Variants in ZNHIT2 observed in about 807,000 individuals in gnomAD.
ZNHIT2 encodes the protein zinc finger HIT domain-containing protein 2.
ZNHIT2 carries 16 observed loss-of-function variants against 18.0 expected under a neutral mutation model. That is an observed-to-expected ratio of 0.89 (90% confidence interval 0.60 to 1.35). The LOEUF (loss-of-function observed/expected upper bound fraction) is 1.35, where lower values mean the gene tolerates loss of function less well. Ranked by LOEUF, ZNHIT2 falls within the 40% of genes most tolerant of loss-of-function variation. The pLI is 0.00. For synonymous variants in ZNHIT2, 336 were observed against 269.8 expected, an observed-to-expected ratio of 1.25 and a Z score of -2.41; for missense variants, 631 against 566.4, an observed-to-expected ratio of 1.11 and a Z score of -1.16.
At position 65,117,677 on chromosome 11, in the gene ZNHIT2, T is replaced by A; in HGVS notation, c.-24A>T. The A allele has an allele frequency of 2.2e-6, 3 of 1,362,934 alleles. No individual in the cohort carries two copies. Among genetic ancestry groups the A allele is most frequent in the Non-Finnish European group, 1.9e-6 (2 of 1,060,058 alleles). The allele number at this position is 1,362,934 out of a possible 1,614,324, so 84.4% of individuals were successfully genotyped here. A position where few individuals can be genotyped will look rare whatever the true frequency, so the allele number is the denominator to read the frequency against. On this transcript the variant is annotated 5_prime_UTR_variant, in exon 1 of 1. Transcript: ENST00000310597. ...ATGGCAACTGGCACCGCGATCTACC[T>A]GCGAACGCACGCCGGTGGTAGTTCG...
At position 65,117,548 on chromosome 11, in the gene ZNHIT2, G is replaced by A. The variant is rs887452458; in HGVS notation, c.106C>T (p.Arg36Trp). The A allele has an allele frequency of 9.4e-6, 15 of 1,589,602 alleles. No individual in the cohort carries two copies. The highest frequency in any genetic ancestry group is 1.2e-5 in the Non-Finnish European group (14 of 1,175,240). The change falls in exon 1 of 1, where the codon CGG becomes TGG. Residue 36 changes from arginine to tryptophan, a missense_variant. By Grantham distance (101) the Arg-to-Trp change is moderately radical (BLOSUM62 -3). Transcript: ENST00000310597. ...TTTTCTGCGCAGGTGCCATGCGTCC[G>A]GTAGCAGCGCAGCGAGCAGTAGGGC... ...NAPYCSLRCY[R>W]THGTCAENFY... is the part of the protein sequence containing the mutation.
chr11:65,117,374 CGCCGG>C lies in ZNHIT2; in HGVS notation c.275_279del (p.Pro92ArgfsTer25). 6.7e-7 allele frequency: 1 copy of C among 1,498,170 alleles called. No individual in the cohort carries two copies. Among genetic ancestry groups the C allele is most frequent in the Non-Finnish European group, 8.8e-7 (1 of 1,132,108 alleles). 92.8% of individuals were successfully genotyped at this position (1,498,170 alleles called of 1,614,324 possible). A position where few individuals can be genotyped will look rare whatever the true frequency, so the allele number is the denominator to read the frequency against. ...AGCCGCTCCCAGAGTCCCGATAGGCCGCCGGGCGCCGGGCCGGAGCTGAGGCCTGC... is the reference window on the plus strand; with the variant it reads ...AGCCGCTCCCAGAGTCCCGATAGGCCGCGCCGGGCCGGAGCTGAGGCCTGC... On this transcript the variant is annotated frameshift_variant, in exon 1 of 1. Coordinates refer to ENST00000310597, the MANE Select transcript of ZNHIT2 (RefSeq NM_014205.4). LOFTEE classifies it high-confidence loss of function.
At position 65,117,367 on chromosome 11, in the gene ZNHIT2, G is replaced by T; in HGVS notation, c.287C>A (p.Ser96Ter). The T allele has an allele frequency of 6.6e-7, 1 of 1,507,316 alleles. No homozygotes were observed. Among genetic ancestry groups the T allele is most frequent in the Middle Eastern group, 1.8e-4 (1 of 5,574 alleles). The allele number at this position is 1,507,316 out of a possible 1,614,324, so 93.4% of individuals were successfully genotyped here. ...CGGCGCCAGCCGCTCCCAGAGTCCC[G>T]ATAGGCCGCCGGGCGCCGGGCCGGA... is the stretch of plus-strand genomic sequence containing the variant. ...LSSGPAPGGL[S>*]GLWERLAPGE... The change falls in exon 1 of 1, where the codon TCG becomes TAG. Residue 96 changes from serine to a stop codon, truncating the protein, a stop_gained. Transcript: ENST00000310597. LOFTEE classifies it high-confidence loss of function.
At position 65,117,622 on chromosome 11, in the gene ZNHIT2, G is replaced by C. The variant is rs750880039; in HGVS notation, c.32C>G (p.Pro11Arg). The C allele has an allele frequency of 6.7e-7, 1 of 1,490,332 alleles. No individual in the cohort carries two copies. Among genetic ancestry groups the C allele is most frequent in the Admixed American group, 2.3e-5 (1 of 43,204 alleles). The allele number at this position is 1,490,332 out of a possible 1,614,324, so 92.3% of individuals were successfully genotyped here. ...ACGCGCTGGCTGGACCTCCCCCGCC[G>C]GGCAGAAGCCACAGGGCCCGGCCGG... is the stretch of plus-strand genomic sequence containing the variant. Reference protein sequence around the residue: MEPAGPCGFCPAGEVQPARYT... With the variant: MEPAGPCGFCRAGEVQPARYT... The change falls in exon 1 of 1, where the codon CCG (proline) becomes CGG (arginine). Residue 11 changes from proline (P) to arginine (R), a missense_variant. Coordinates refer to ENST00000310597, the MANE Select transcript of ZNHIT2 (RefSeq NM_014205.4).
In ZNHIT2 at chr11:65,117,111, A is replaced by G. The variant is rs773299915; in HGVS notation, c.543T>C (p.Leu181=). The G allele has an allele frequency of 3.2e-6, 5 of 1,584,568 alleles. No individual in the cohort carries two copies. Among genetic ancestry groups the G allele is most frequent in the Admixed American group, 1.8e-5 (1 of 56,788 alleles). Residue 181 remains leucine, a synonymous_variant, in exon 1 of 1, where the codon CTT becomes CTC. Transcript: ENST00000310597. ...GCGTGCAGGCCCCCGGGACATCTCC[A>G]AGAACCCGCTCGGCGGCCGCGGGCT... ...AAEPAAAERV[L]GDVPGACTPV...
chr11:65,117,619 G>C lies in ZNHIT2; in HGVS notation c.35C>G (p.Ala12Gly). 1 of 1,493,160 alleles carries C rather than the reference G, an allele frequency of 6.7e-7. No homozygotes were observed. 92.5% of individuals were successfully genotyped at this position (1,493,160 alleles called of 1,614,324 possible). ...GTAACGCGCTGGCTGGACCTCCCCC[G>C]CCGGGCAGAAGCCACAGGGCCCGGC... ...EPAGPCGFCP[A>G]GEVQPARYTC... is the part of the protein sequence containing the mutation. Residue 12 changes from alanine to glycine, a missense_variant, in exon 1 of 1, where the codon GCG becomes GGG. Ala to Gly is a moderately conservative substitution (Grantham distance 60). Transcript: ENST00000310597.
rs2137212342 is a variant in ZNHIT2 at position 65,117,256 on chromosome 11, C to T, written c.398G>A (p.Arg133His). ...LPPWRPWWWN[R>H]GAGPQLLEEL... is the part of the protein sequence containing the mutation. ...CTCCAGAAGCTGCGGTCCGGCTCCGCGGTTCCACCACCACGGCCGCCATGG... is the reference window on the plus strand; with the variant it reads ...CTCCAGAAGCTGCGGTCCGGCTCCGTGGTTCCACCACCACGGCCGCCATGG... Residue 133 changes from arginine to histidine, a missense_variant, in exon 1 of 1, where the codon CGC (arginine) becomes CAC (histidine). By Grantham distance (29) the Arg-to-His change is conservative (BLOSUM62 0). Transcript: ENST00000310597. 6.7e-7 allele frequency: 1 copy of T among 1,496,324 alleles called. No individual in the cohort carries two copies. The highest frequency in any genetic ancestry group is 1.4e-5 in the African/African-American group (1 of 70,828). 92.7% of individuals were successfully genotyped at this position (1,496,324 alleles called of 1,614,324 possible).
At position 65,116,540 on chromosome 11, in the gene ZNHIT2, C is replaced by G. The variant is rs1241290897; in HGVS notation, c.1114G>C (p.Ala372Pro). ...CCAGTGAGGGCGGCCACCTCCTCGG[C>G]TACCACAGCATGGGCTTGGTGAGCC... ...ARAHQAHAVVAEEVAALTGEL... is the reference protein window; with the variant it reads ...ARAHQAHAVVPEEVAALTGEL... Residue 372 changes from alanine to proline, a missense_variant, in exon 1 of 1, where the codon GCC becomes CCC. Coordinates refer to ENST00000310597, the MANE Select transcript of ZNHIT2 (RefSeq NM_014205.4). The G allele has an allele frequency of 6.4e-7, 1 of 1,552,790 alleles. No individual in the cohort carries two copies. Among genetic ancestry groups the G allele is most frequent in the African/African-American group, 1.4e-5 (1 of 73,614 alleles).
In ZNHIT2 at chr11:65,116,860, T is replaced by G; in HGVS notation, c.794A>C (p.Gln265Pro). The G allele has an allele frequency of 6.2e-7, 1 of 1,605,386 alleles. No individual in the cohort carries two copies. ...TGCTTCCAGCACGTGGGCTGCCGCC[T>G]GCAGGGCTTCTTCCGCAGAGGCGAA... ...QVFASAEEALQAAAHVLEAGE... is the reference protein window; with the variant it reads ...QVFASAEEALPAAAHVLEAGE... The change falls in exon 1 of 1, where the codon CAG becomes CCG. Residue 265 changes from glutamine (Q) to proline (P), a missense_variant. By Grantham distance (76) the Gln-to-Pro change is moderately conservative (BLOSUM62 -1). Transcript: ENST00000310597.
rs1013786245 is a variant in ZNHIT2 at position 65,117,274 on chromosome 11, C to T, written c.380G>A (p.Arg127Gln). Reference protein sequence around the residue: ...GEAGRLLPPWRPWWWNRGAGP... With the variant: ...GEAGRLLPPWQPWWWNRGAGP... ...GGCTCCGCGGTTCCACCACCACGGC[C>T]GCCATGGAGGCAGCAGCCGCCCGGC... Residue 127 changes from arginine (R) to glutamine (Q), a missense_variant, in exon 1 of 1, where the codon CGG becomes CAG. Arg to Gln is a conservative substitution (Grantham distance 43, BLOSUM62 1). Coordinates refer to ENST00000310597, the MANE Select transcript of ZNHIT2 (RefSeq NM_014205.4). The T allele has an allele frequency of 1.3e-6, 2 of 1,490,424 alleles. No homozygotes were observed. Among genetic ancestry groups the T allele is most frequent in the Non-Finnish European group, 1.8e-6 (2 of 1,130,478 alleles). The allele number at this position is 1,490,424 out of a possible 1,614,324, so 92.3% of individuals were successfully genotyped here. A position where few individuals can be genotyped will look rare whatever the true frequency, so the allele number is the denominator to read the frequency against.
In ZNHIT2 at chr11:65,116,696, C is replaced by A. The variant is rs1317282982; in HGVS notation, c.958G>T (p.Ala320Ser). 1 of 1,613,778 alleles carries A rather than the reference C, an allele frequency of 6.2e-7. No homozygotes were observed. The highest frequency in any genetic ancestry group is 1.3e-5 in the African/African-American group (1 of 74,958). The change falls in exon 1 of 1, where the codon GCC becomes TCC. Residue 320 changes from alanine (A) to serine (S), a missense_variant. By Grantham distance (99) the Ala-to-Ser change is moderately conservative. Coordinates refer to ENST00000310597, the MANE Select transcript of ZNHIT2 (RefSeq NM_014205.4). ...LGDLAQTLGR[A>S]RKQAVAREER... is the part of the protein sequence containing the mutation. ...TCTCTAGCCACGGCCTGTTTCCGGG[C>A]ACGGCCCAGGGTCTGTGCCAGGTCC...
rs747279780 is a variant in ZNHIT2 at position 65,116,651 on chromosome 11, G to A, written c.1003C>T (p.Arg335Trp). Residue 335 changes from arginine (R) to tryptophan (W), a missense_variant, in exon 1 of 1, where the codon CGG becomes TGG. Physicochemically the swap from Arg to Trp is moderately radical, Grantham distance 101. Coordinates refer to ENST00000310597, the MANE Select transcript of ZNHIT2 (RefSeq NM_014205.4). ...AGGAACTGGCACTTTTTCCGGGCCC[G>A]GTAAAGATGATCTCGCTCTTCTCTA... ...VAREERDHLY[R>W]ARKKCQFLLA... 4 of 1,614,106 alleles carry A rather than the reference G, an allele frequency of 2.5e-6. No individual in the cohort carries two copies. Among genetic ancestry groups the A allele is most frequent in the South Asian group, 1.1e-5 (1 of 91,084 alleles).
rs554224877 is a variant in ZNHIT2 at position 65,117,170 on chromosome 11, G to A, written c.484C>T (p.Pro162Ser). The change falls in exon 1 of 1, where the codon CCG (proline) becomes TCG (serine). Residue 162 changes from proline (P) to serine (S), a missense_variant. Coordinates refer to ENST00000310597, the MANE Select transcript of ZNHIT2 (RefSeq NM_014205.4). ...GAGGCATCTTTCACAGAATCCGGCG[G>A]GGTCCTCGCAGGGGCGAGCTCCAGC... ...AELELAPART[P>S]PDSVKDASAA... 25 of 1,565,842 alleles carry A rather than the reference G, an allele frequency of 1.6e-5. No individual in the cohort carries two copies. The highest frequency in any genetic ancestry group is 2.0e-5 in the Non-Finnish European group (23 of 1,161,172).
Position 65,116,585 on chromosome 11 carries a change from G to A in ZNHIT2, c.1069C>T (p.Leu357=), listed in dbSNP as rs1401026861. The change falls in exon 1 of 1, where the codon CTG becomes TTG. Residue 357 remains leucine (L), a synonymous_variant. Coordinates refer to ENST00000310597, the MANE Select transcript of ZNHIT2 (RefSeq NM_014205.4). The part of the protein sequence containing the change: ...TNENEAALTP[L]ALDCARAHQA... ...TGAGCCCTGGCGCAGTCTAGGGCCA[G>A]GGGTGTGAGGGCCGCCTCATTTTCG... is the stretch of plus-strand genomic sequence containing the variant. 3 of 1,605,598 alleles carry A rather than the reference G, an allele frequency of 1.9e-6. No individual in the cohort carries two copies. The highest frequency in any genetic ancestry group is 3.4e-5 in the Admixed American group (2 of 59,686).
Position 65,117,674 on chromosome 11 carries a change from A to G in ZNHIT2, c.-21T>C, listed in dbSNP as rs762986354. 1 of 1,356,142 alleles carries G rather than the reference A, an allele frequency of 7.4e-7. No homozygotes were observed. The highest frequency in any genetic ancestry group is 9.5e-7 in the Non-Finnish European group (1 of 1,055,482). The allele number at this position is 1,356,142 out of a possible 1,614,324, so 84.0% of individuals were successfully genotyped here. A position where few individuals can be genotyped will look rare whatever the true frequency, so the allele number is the denominator to read the frequency against. On this transcript the variant is annotated 5_prime_UTR_variant, in exon 1 of 1. Coordinates refer to ENST00000310597, the MANE Select transcript of ZNHIT2 (RefSeq NM_014205.4). ...TCCATGGCAACTGGCACCGCGATCTACCTGCGAACGCACGCCGGTGGTAGT... is the reference window on the plus strand; with the variant it reads ...TCCATGGCAACTGGCACCGCGATCTGCCTGCGAACGCACGCCGGTGGTAGT...
At position 65,117,646 on chromosome 11, in the gene ZNHIT2, G is replaced by T; in HGVS notation, c.8C>A (p.Pro3Gln). 7.1e-7 allele frequency: 1 copy of T among 1,417,826 alleles called. No homozygotes were observed. Among genetic ancestry groups the T allele is most frequent in the East Asian group, 2.8e-5 (1 of 35,260 alleles). 87.8% of individuals were successfully genotyped at this position (1,417,826 alleles called of 1,614,324 possible). Residue 3 changes from proline (P) to glutamine (Q), a missense_variant, in exon 1 of 1, where the codon CCG becomes CAG. Coordinates refer to ENST00000310597, the MANE Select transcript of ZNHIT2 (RefSeq NM_014205.4). Reference sequence around the variant, plus strand: ...CGGGCAGAAGCCACAGGGCCCGGCCGGCTCCATGGCAACTGGCACCGCGAT... The same window carrying T: ...CGGGCAGAAGCCACAGGGCCCGGCCTGCTCCATGGCAACTGGCACCGCGAT... ME[P>Q]AGPCGFCPAG...
rs1342226015 is a variant in ZNHIT2 at position 65,116,761 on chromosome 11, C to T, written c.893G>A (p.Gly298Asp). 2 of 1,608,828 alleles carry T rather than the reference C, an allele frequency of 1.2e-6. No individual in the cohort carries two copies. The highest frequency in any genetic ancestry group is 2.7e-5 in the African/African-American group (2 of 74,842). Residue 298 changes from glycine to aspartate, a missense_variant, in exon 1 of 1, where the codon GGC (glycine) becomes GAC (aspartate). By Grantham distance (94) the Gly-to-Asp change is moderately conservative (BLOSUM62 -1). Coordinates refer to ENST00000310597, the MANE Select transcript of ZNHIT2 (RefSeq NM_014205.4). The part of the protein sequence containing the change: ...HEVARILLGE[G>D]PTNQKGYTLA... ...CGTGTAGCCTTTCTGGTTGGTCGGG[C>T]CCTCGCCCAGCAGGATGCGGGCGAC... is the stretch of plus-strand genomic sequence containing the variant.
In ZNHIT2 at chr11:65,116,806, G is replaced by A. The variant is rs765103157; in HGVS notation, c.848C>T (p.Thr283Ile). 6.2e-7 allele frequency: 1 copy of A among 1,609,422 alleles called. No individual in the cohort carries two copies. Among genetic ancestry groups the A allele is most frequent in the Non-Finnish European group, 8.5e-7 (1 of 1,177,720 alleles). ...AGEHPPGPLGTRGAMHEVARI... is the reference protein window; with the variant it reads ...AGEHPPGPLGIRGAMHEVARI... Reference sequence around the variant, plus strand: ...GGCGACCTCGTGCATAGCCCCTCGTGTGCCCAGGGGCCCCGGCGGGTGCTC... The same window carrying A: ...GGCGACCTCGTGCATAGCCCCTCGTATGCCCAGGGGCCCCGGCGGGTGCTC... Residue 283 changes from threonine to isoleucine, a missense_variant, in exon 1 of 1, where the codon ACA (threonine) becomes ATA (isoleucine). Coordinates refer to ENST00000310597, the MANE Select transcript of ZNHIT2 (RefSeq NM_014205.4).
In ZNHIT2 at chr11:65,117,622, G is replaced by A. The variant is rs750880039; in HGVS notation, c.32C>T (p.Pro11Leu). ...ACGCGCTGGCTGGACCTCCCCCGCC[G>A]GGCAGAAGCCACAGGGCCCGGCCGG... The part of the protein sequence containing the change: MEPAGPCGFC[P>L]AGEVQPARYT... The change falls in exon 1 of 1, where the codon CCG becomes CTG. Residue 11 changes from proline (P) to leucine (L), a missense_variant. Physicochemically the swap from Pro to Leu is moderately conservative, Grantham distance 98 (BLOSUM62 -3). Coordinates refer to ENST00000310597, the MANE Select transcript of ZNHIT2 (RefSeq NM_014205.4). The A allele has an allele frequency of 8.1e-6, 12 of 1,490,332 alleles. No homozygotes were observed. The highest frequency in any genetic ancestry group is 7.1e-5 in the African/African-American group (5 of 70,636). The allele number at this position is 1,490,332 out of a possible 1,614,324, so 92.3% of individuals were successfully genotyped here. A position where few individuals can be genotyped will look rare whatever the true frequency, so the allele number is the denominator to read the frequency against.
Sources: gnomAD v4.1 joint callset for allele counts on GRCh38, gnomAD v4.1.1 for gene constraint, MANE v1.5 for transcripts, NCBI Gene and HGNC (gene_info 2026-07-23, HGNC 2026-07-21) for gene names.